Variants in SPART observed in about 807,000 individuals in gnomAD.
The protein encoded by SPART is spartin.
Under a neutral mutation model 58.7 loss-of-function variants are expected in SPART, and 35 were observed. The ratio of observed to expected loss-of-function variants is 0.60; its 90% CI spans 0.46 to 0.79. The LOEUF is 0.79. Among genes scored for constraint, SPART ranks in the 30% least tolerant of loss-of-function variants. The probability of loss-of-function intolerance (pLI) is 0.00; values close to 1 mark genes in which losing one functional copy is unlikely to be tolerated. For missense variants in SPART, 730 were observed against 786.1 expected (o/e 0.93, Z 0.85); for synonymous variants, 284 against 280.7 (o/e 1.01, Z -0.12).
rs573757854 is a variant in SPART, at chr13:36,321,132, C to T, written c.1288+5443G>A. Among the ~76,000 whole-genome samples, 22 of 152,300 alleles carry T rather than the reference C, an allele frequency of 1.4e-4. 1 individual carries two copies. The highest frequency in any genetic ancestry group is 3.9e-4 in the East Asian group (2 of 5,176). On this transcript the variant is annotated intron_variant, in intron 5 of 8. Transcript: ENST00000438666. ...CTCCTTATTAGGCCCCAGTCTCATT[C>T]GAGACACCAGACCAACTTAGACTGT...
At chr13:36,331,119 A>C (rs564499322) in intron 3 of SPART, among the ~76,000 whole-genome samples, 1 of 152,240 alleles carries the variant, frequency 6.6e-6, no homozygotes, top group Non-Finnish European at 1.5e-5. Flanking sequence ...TCCCCATTTT[A>C]TAAGTAAATT....
At chr13:36,356,245 G>A (rs1183768204) in intron 1 of SPART, among the ~76,000 whole-genome samples, 5 of 152,162 alleles carry the variant, frequency 3.3e-5, no homozygotes, top group Admixed American at 6.5e-5. Flanking sequence ...TCTTGCTGGC[G>A]AGTCTCGCTG....
intron 1 of SPART, among the ~76,000 whole-genome samples, chr13:36,359,178 C>T (rs1344040136): frequency 6.6e-6 from 1 of 152,218 alleles, no homozygotes; most frequent in Non-Finnish European, 1.5e-5. Context: ...ATACCGTATG[C>T]TCAGCATGAT....
rs774428673 is a variant in SPART, at chr13:36,329,402, C to T, written c.1124G>A (p.Gly375Asp). Residue 375 changes from glycine (G) to aspartate (D), a missense_variant, in exon 4 of 9, where the codon GGC becomes GAC. Transcript: ENST00000438666. The part of the protein sequence containing the change: ...SGTDVKQLDQ[G>D]NKDVRHKGKR... ...TCCTTTATGACGTACATCCTTATTG[C>T]CTTGGTCCAACTGTTTCACATCAGT... 1.2e-6 allele frequency: 2 copies of T among 1,614,140 alleles called. No individual in the cohort carries two copies. The highest frequency in any genetic ancestry group is 8.5e-7 in the Non-Finnish European group (1 of 1,180,018).
intron 1 of SPART, among the ~76,000 whole-genome samples, chr13:36,361,238 C>T (rs1022093326): frequency 6.6e-6 from 1 of 152,100 alleles, no homozygotes; most frequent in African/African-American, 2.4e-5. Flanking sequence ...CTAAGCAGAA[C>T]CTCAAATAGT....
intron 8 of SPART, among the ~76,000 whole-genome samples, chr13:36,309,978 G>A (rs1271911084): frequency 1.3e-5 from 2 of 152,106 alleles, no homozygotes; most frequent in Admixed American, 6.5e-5. Flanking sequence ...GGAGCAGATC[G>A]AACCAATTAA....
chr13:36,340,389 A>G lies in SPART; in HGVS notation c.-2-4557T>C, dbSNP rs554674750. On this transcript the variant is annotated intron_variant, in intron 1 of 8. Coordinates refer to ENST00000438666, the MANE Select transcript of SPART (RefSeq NM_015087.5). The stretch of plus-strand genomic sequence containing the variant: ...AAAAAATAAAAATAAATAAATAAAT[A>G]AGAAAAAAAGATTTCACACCAAGAA... Among the ~76,000 whole-genome samples the G allele has an allele frequency of 2.1e-4, 32 of 152,054 alleles. 2 individuals carry two copies. The South Asian group carries it at 5.2e-3, about 25-fold the overall frequency.
chr13:36,355,515 T>C (rs1566147680), intron 1 of SPART, among the ~76,000 whole-genome samples: 1 of 152,220 alleles, frequency 6.6e-6, no homozygotes, highest in Non-Finnish European at 1.5e-5. Flanking sequence ...AATAAAGGTT[T>C]GGAATATTGG....
chr13:36,346,406 C>T (rs1885131596), upstream of SPART: 1 of 152,218 alleles, frequency 6.6e-6, no homozygotes, highest in African/African-American at 2.4e-5. Flanking sequence ...TTCCACGACG[C>T]GCGCTCTCGA....
At chr13:36,328,013 G>A (rs915085146) in intron 4 of SPART, among the ~76,000 whole-genome samples, 4 of 152,106 alleles carry the variant, frequency 2.6e-5, no homozygotes, top group Non-Finnish European at 5.9e-5. Context: ...GGAGACAGGG[G>A]AAGATTATGT....
chr13:36,308,883 T>C (rs1880784710), intron 8 of SPART, among the ~76,000 whole-genome samples: 1 of 152,162 alleles, frequency 6.6e-6, no homozygotes, highest in Non-Finnish European at 1.5e-5. Flanking sequence ...GTTGGAAGAC[T>C]TGAGTTTCAT....
rs190559819 is a variant in SPART at position 36,363,020 on chromosome 13, A to T, written c.-3+7069T>A. On this transcript the variant is annotated intron_variant, in intron 1 of 8. Coordinates refer to the SPART transcript ENST00000355182. ...TACACATCCTCTGAATATTTTTTTT[A>T]AAAAAAAGACAGATTCTGATTCAAT... 5.8e-3 allele frequency among the ~76,000 whole-genome samples: 882 copies of T among 151,998 alleles called. 6 individuals carry two copies. Among genetic ancestry groups the T allele is most frequent in the African/African-American group, 0.02 (813 of 41,464 alleles).
At chr13:36,350,675 T>C (rs1486800476), upstream of SPART, among the ~76,000 whole-genome samples, 2 of 152,202 alleles carry the variant, frequency 1.3e-5, no homozygotes, top group Non-Finnish European at 2.9e-5. Flanking sequence ...CTAAAACTAG[T>C]GAATAATTGT....
chr13:36,357,801 G>A (rs1593293285), intron 1 of SPART, among the ~76,000 whole-genome samples: 1 of 152,148 alleles, frequency 6.6e-6, no homozygotes, highest in Non-Finnish European at 1.5e-5. Flanking sequence ...ATTTATGGGG[G>A]CAGCCAGGAA....
chr13:36,314,439 T>G lies in SPART; in HGVS notation c.1289-18A>C, dbSNP rs747412045. The G allele has an allele frequency of 1.2e-6, 2 of 1,611,902 alleles. No homozygotes were observed. Among genetic ancestry groups the G allele is most frequent in the South Asian group, 2.2e-5 (2 of 91,062 alleles). Reference sequence around the variant, plus strand: ...GGAAGCACCTTTTTAAAAGAAAATTTAAAATTGCACAATATTAGGGCTAAT... The same window carrying G: ...GGAAGCACCTTTTTAAAAGAAAATTGAAAATTGCACAATATTAGGGCTAAT... On this transcript the variant is annotated intron_variant, in intron 5 of 8. Transcript: ENST00000438666.
At chr13:36,364,294 A>G (rs1055460302) in intron 1 of SPART, among the ~76,000 whole-genome samples, 1 of 152,164 alleles carries the variant, frequency 6.6e-6, no homozygotes, top group Non-Finnish European at 1.5e-5. Flanking sequence ...TATCTGTACC[A>G]TGAGCTCCAA....
Position 36,302,675 on chromosome 13 carries a change from TATGCG to T in SPART, c.*1685_*1689del, listed in dbSNP as rs764081064. ...GATACATGAGATATTTTGATACAGG[TATGCG>T]ATTTATAATAATTACATCAGGGTGT... On this transcript the variant is annotated 3_prime_UTR_variant, in exon 9 of 9. Coordinates refer to ENST00000438666, the MANE Select transcript of SPART (RefSeq NM_015087.5). 1 of 152,156 alleles carries T rather than the reference TATGCG, an allele frequency of 6.6e-6. No homozygotes were observed. The highest frequency in any genetic ancestry group is 1.5e-5 in the Non-Finnish European group (1 of 68,014). 9.4% of individuals were successfully genotyped at this position (152,156 alleles called of 1,614,324 possible). A position where few individuals can be genotyped will look rare whatever the true frequency, so the allele number is the denominator to read the frequency against.
Position 36,335,042 on chromosome 13 carries a change from G to C in SPART, c.789C>G (p.Asn263Lys). 1 of 1,613,998 alleles carries C rather than the reference G, an allele frequency of 6.2e-7. No homozygotes were observed. The highest frequency in any genetic ancestry group is 8.5e-7 in the Non-Finnish European group (1 of 1,179,966). Residue 263 changes from asparagine (N) to lysine (K), a missense_variant, in exon 2 of 9, where the codon AAC becomes AAG. Physicochemically the swap from Asn to Lys is moderately conservative, Grantham distance 94 (BLOSUM62 0). Coordinates refer to ENST00000438666, the MANE Select transcript of SPART (RefSeq NM_015087.5). ...TTACCTGAAGAAACCCGGGAGGACGGTTTAGAACCGTATCGAGAGAATTAT... is the reference window on the plus strand; with the variant it reads ...TTACCTGAAGAAACCCGGGAGGACGCTTTAGAACCGTATCGAGAGAATTAT... ...FLDNSLDTVL[N>K]RPPGFLQVCD...
intron 1 of SPART, among the ~76,000 whole-genome samples, chr13:36,337,132 T>C (rs1266594468): frequency 6.6e-6 from 1 of 152,238 alleles, no homozygotes; most frequent in African/African-American, 2.4e-5. Flanking sequence ...TGGTTTCAGT[T>C]ACCTGCAGTC....
Sources: allele counts gnomAD v4.1 joint callset (sites outside exome capture counted in the v4.1 genomes callset), GRCh38; gene constraint gnomAD v4.1.1; transcripts MANE v1.5; gene names NCBI Gene and HGNC (gene_info 2026-07-23, HGNC 2026-07-21).